The following DNAJC6 variants were observed in gnomAD, a reference collection of about 807,000 sequenced individuals.
The protein encoded by DNAJC6 is DnaJ heat shock protein family (Hsp40) member C6, also known as auxilin.
DNAJC6 carries 34 observed loss-of-function variants against 110.0 expected under a neutral mutation model. That is an observed-to-expected ratio of 0.31 (90% CI 0.24 to 0.41). The LOEUF is 0.41. Among genes scored for constraint, DNAJC6 ranks in the 10% least tolerant of loss-of-function variants. The pLI, the probability that DNAJC6 is intolerant of heterozygous loss-of-function variation, is 1.00. For synonymous variants in DNAJC6, 406 were observed against 437.2 expected, an observed-to-expected ratio of 0.93 and a Z score of 0.89; for missense variants, 1,031 against 1,207.8, an observed-to-expected ratio of 0.85 and a Z score of 2.17.
At chr1:65,359,176 T>C (rs1249731664) in intron 1 of DNAJC6, among the ~76,000 whole-genome samples, 1 of 152,216 alleles carries the variant, frequency 6.6e-6, no homozygotes, top group Non-Finnish European at 1.5e-5. Context: ...ATCTCAAATC[T>C]CTTTTGGAAT....
chr1:65,276,670 T>A (rs1653684888), intron 1 of DNAJC6, among the ~76,000 whole-genome samples: 1 of 152,170 alleles, frequency 6.6e-6, no homozygotes, highest in South Asian at 2.1e-4. Context: ...AGCAAAATGT[T>A]CATTGTGCTT....
chr1:65,381,315 A>G (rs1484470588), intron 5 of DNAJC6, among the ~76,000 whole-genome samples: 1 of 151,916 alleles, frequency 6.6e-6, no homozygotes, highest in East Asian at 1.9e-4. Context: ...TGGGAGACTG[A>G]GGCAGGTGGA....
chr1:65,275,269 A>G (rs575409349), intron 1 of DNAJC6, among the ~76,000 whole-genome samples: 1 of 152,308 alleles, frequency 6.6e-6, no homozygotes, highest in Admixed American at 6.5e-5. Flanking sequence ...CATATATGCT[A>G]GAAACAAATA....
At chr1:65,314,348 T>A (rs1645129026) in intron 1 of DNAJC6, among the ~76,000 whole-genome samples, 1 of 152,154 alleles carries the variant, frequency 6.6e-6, no homozygotes, top group African/African-American at 2.4e-5. Context: ...GTTTCAACAT[T>A]ATGAGATACG....
chr1:65,387,803 G>A (rs894179542), intron 8 of DNAJC6, among the ~76,000 whole-genome samples: 17 of 152,350 alleles, frequency 1.1e-4, no homozygotes, highest in Admixed American at 7.8e-4. Context: ...GGCTAAGTGA[G>A]TGCTTTGTGC....
intron 11 of DNAJC6, among the ~76,000 whole-genome samples, chr1:65,390,957 A>G (rs1225208816): frequency 6.6e-6 from 1 of 152,154 alleles, no homozygotes; most frequent in Admixed American, 6.5e-5. Flanking sequence ...ATTTTAGCAA[A>G]TAATTTAGAG....
chr1:65,385,692 G>A lies in DNAJC6; in HGVS notation c.801-20G>A. On this transcript the variant is annotated intron_variant, in intron 6 of 18. Transcript: ENST00000371069. The stretch of plus-strand genomic sequence containing the variant: ...TCCTGATGTGATGGGCCCCAAGAGA[G>A]TGCCAACCTTCTGTTTCAGATACCT... 1 of 1,558,296 alleles carries A rather than the reference G, an allele frequency of 6.4e-7. No homozygotes were observed. Among genetic ancestry groups the A allele is most frequent in the East Asian group, 2.3e-5 (1 of 44,054 alleles).
intron 1 of DNAJC6, among the ~76,000 whole-genome samples, chr1:65,348,180 T>C (rs923627197): frequency 1.3e-5 from 2 of 152,228 alleles, no homozygotes; most frequent in South Asian, 4.1e-4. Context: ...AGCACTTCAA[T>C]GAATCTTAAT....
rs940373884 is a variant in DNAJC6 at position 65,394,578 on chromosome 1, G to A, written c.1904-320G>A. 2.0e-5 allele frequency among the ~76,000 whole-genome samples: 3 copies of A among 152,208 alleles called. No individual in the cohort carries two copies. The East Asian group carries it at 5.8e-4, about 29-fold the overall frequency. The stretch of plus-strand genomic sequence containing the variant: ...CATAAATTGATATTTTAAATGTACT[G>A]AGTATGGTAAGAAGGGATAAGGCTA... On this transcript the variant is annotated intron_variant, in intron 12 of 18. Transcript: ENST00000371069.
At chr1:65,301,620 A>T (rs1486506335) in intron 1 of DNAJC6, among the ~76,000 whole-genome samples, 1 of 152,164 alleles carries the variant, frequency 6.6e-6, no homozygotes, top group Non-Finnish European at 1.5e-5. Context: ...AAAGGATATT[A>T]CAAAGATACA....
chr1:65,348,174 C>G (rs1271509942), intron 1 of DNAJC6, among the ~76,000 whole-genome samples: 2 of 152,166 alleles, frequency 1.3e-5, no homozygotes, highest in East Asian at 3.8e-4. Context: ...CCTTAAAGCA[C>G]TTCAATGAAT....
At chr1:65,319,852 C>G (rs1645182128) in intron 1 of DNAJC6, among the ~76,000 whole-genome samples, 1 of 152,072 alleles carries the variant, frequency 6.6e-6, no homozygotes, top group Non-Finnish European at 1.5e-5. Flanking sequence ...CTCTTTCCCA[C>G]CCATCTTCAA....
chr1:65,390,795 C>T (rs1470659262), intron 11 of DNAJC6, among the ~76,000 whole-genome samples: 3 of 152,174 alleles, frequency 2.0e-5, no homozygotes, highest in South Asian at 2.1e-4. Flanking sequence ...AATTTTCTTT[C>T]GAGAAATGGA....
At chr1:65,376,582 TC>T (rs1372225035) in intron 4 of DNAJC6, among the ~76,000 whole-genome samples, 1 of 151,650 alleles carries the variant, frequency 6.6e-6, no homozygotes, top group African/African-American at 2.4e-5. Context: ...TTTGTATATT[TC>T]CATTTTAATT....
chr1:65,358,993 C>A (rs191359216), intron 1 of DNAJC6, among the ~76,000 whole-genome samples: 2 of 152,154 alleles, frequency 1.3e-5, no homozygotes, highest in African/African-American at 4.8e-5. Flanking sequence ...ATGGACACTC[C>A]TTCTCCTTTG....
intron 1 of DNAJC6, among the ~76,000 whole-genome samples, chr1:65,320,894 A>C (rs769286776): frequency 2.0e-5 from 3 of 152,186 alleles, no homozygotes; most frequent in Admixed American, 6.5e-5. Flanking sequence ...AAACAGAAAC[A>C]AGCAGGAAAA....
chr1:65,357,585 G>C (rs1171287465), intron 1 of DNAJC6, among the ~76,000 whole-genome samples: 4 of 152,196 alleles, frequency 2.6e-5, no homozygotes, highest in African/African-American at 9.6e-5. Flanking sequence ...CTGGAGCTGA[G>C]ACAGTTACCA....
Position 65,386,812 on chromosome 1 carries a change from A to G in DNAJC6, c.996A>G (p.Lys332=), listed in dbSNP as rs148454327. The G allele has an allele frequency of 5.0e-6, 8 of 1,613,526 alleles. No individual in the cohort carries two copies. In the African/African-American group the frequency reaches 1.1e-4, roughly 22 times the overall value. ...TGTATATTTTGGTCTGTGTTTACAG[A>G]GAATATCGTGTCCAAGATGGAAAAA... ...YSTCTDFERM[K]EYRVQDGKIF... is the part of the protein sequence containing the mutation. Residue 332 remains lysine (K), a splice_region_variant and synonymous_variant, in exon 8 of 19, where the codon AAA becomes AAG. Transcript: ENST00000371069.
intron 1 of DNAJC6, among the ~76,000 whole-genome samples, chr1:65,333,877 G>A (rs933178399): frequency 1.3e-5 from 2 of 152,100 alleles, no homozygotes; most frequent in Non-Finnish European, 2.9e-5. Flanking sequence ...AGGATTTGTA[G>A]GTTGTTTGCA....
Sources: gnomAD v4.1 joint callset for allele counts (sites outside exome capture counted in the v4.1 genomes callset) on GRCh38, gnomAD v4.1.1 for gene constraint, MANE v1.5 for transcripts, NCBI Gene and HGNC (gene_info 2026-07-23, HGNC 2026-07-21) for gene names.